LRRC49: variants seen among roughly 807,000 people sequenced by gnomAD.
The protein encoded by LRRC49 is leucine rich repeat containing 49.
In LRRC49, 50 loss-of-function variants were observed where a neutral mutation model predicts 83.3. That is an observed-to-expected ratio of 0.60 (90% CI 0.48 to 0.76). The LOEUF (loss-of-function observed/expected upper bound fraction) is 0.76, where lower values mean the gene tolerates loss of function less well. Among genes scored for constraint, LRRC49 ranks in the 30% least tolerant of loss-of-function variants. The pLI is 0.00. For synonymous variants in LRRC49, 286 were observed against 283.3 expected, an observed-to-expected ratio of 1.01 and a Z score of -0.10; for missense variants, 704 against 809.1, an observed-to-expected ratio of 0.87 and a Z score of 1.58.
At chr15:70,889,977 C>G (rs980463766), upstream of LRRC49, among the ~76,000 whole-genome samples, 3 of 152,152 alleles carry the variant, frequency 2.0e-5, no homozygotes, top group Non-Finnish European at 2.9e-5. Flanking sequence ...TATTTTAGAA[C>G]TCACAGTTTT....
At chr15:70,899,674 T>A (rs940143979) in intron 3 of LRRC49, among the ~76,000 whole-genome samples, 1 of 152,172 alleles carries the variant, frequency 6.6e-6, no homozygotes, top group South Asian at 2.1e-4. Context: ...TGCCATTGCC[T>A]TATAGCTTTT....
intron 2 of LRRC49, among the ~76,000 whole-genome samples, chr15:70,883,525 TA>T (rs1353567360): frequency 1.3e-4 from 20 of 152,192 alleles, no homozygotes. Flanking sequence ...ACTTATTTGA[TA>T]TCTTAGCAGT....
chr15:71,049,183 A>G (rs1050216835), intron 15 of LRRC49, among the ~76,000 whole-genome samples: 9 of 152,134 alleles, frequency 5.9e-5, no homozygotes, highest in Non-Finnish European at 1.3e-4. Flanking sequence ...GAGCTGTCCA[A>G]CAGAGGTAGG....
chr15:70,931,092 C>T (rs1224736523), intron 7 of LRRC49, among the ~76,000 whole-genome samples: 1 of 152,178 alleles, frequency 6.6e-6, no homozygotes, highest in Admixed American at 6.5e-5. Flanking sequence ...CCTATCTCAG[C>T]TTTCAACATG....
chr15:70,941,740 C>T (rs184420932), intron 8 of LRRC49, among the ~76,000 whole-genome samples: 12 of 152,200 alleles, frequency 7.9e-5, no homozygotes, highest in Non-Finnish European at 1.6e-4. Flanking sequence ...TACAAAAATA[C>T]ATACAGATAC....
chr15:71,004,574 C>T (rs989058031), intron 11 of LRRC49, among the ~76,000 whole-genome samples: 4 of 151,284 alleles, frequency 2.6e-5, no homozygotes, highest in South Asian at 2.1e-4. Context: ...CTCTTGAATC[C>T]GGGAGGCGGA....
At chr15:70,933,911 A>T (rs2035505218) in intron 7 of LRRC49, among the ~76,000 whole-genome samples, 1 of 152,142 alleles carries the variant, frequency 6.6e-6, no homozygotes, top group African/African-American at 2.4e-5. Context: ...GGGCTTGTTT[A>T]ACTATCATTA....
intron 1 of LRRC49, among the ~76,000 whole-genome samples, chr15:70,868,085 G>T (rs2141073969): frequency 6.6e-6 from 1 of 152,284 alleles, no homozygotes; most frequent in East Asian, 1.9e-4. Flanking sequence ...ATGGCTTGGA[G>T]GGTGGCCAGA....
At chr15:70,956,710 A>G (rs2036415066) in intron 8 of LRRC49, among the ~76,000 whole-genome samples, 1 of 152,184 alleles carries the variant, frequency 6.6e-6, no homozygotes, top group Non-Finnish European at 1.5e-5. Flanking sequence ...CTTTAAAATC[A>G]TATGGTCTTT....
intron 8 of LRRC49, among the ~76,000 whole-genome samples, chr15:70,957,994 T>C (rs1306993377): frequency 6.6e-6 from 1 of 152,218 alleles, no homozygotes; most frequent in Non-Finnish European, 1.5e-5. Flanking sequence ...CAATGAATTT[T>C]GACAGAGTAT....
intron 11 of LRRC49, among the ~76,000 whole-genome samples, chr15:71,004,967 C>G (rs369573492): frequency 6.6e-6 from 1 of 152,100 alleles, no homozygotes; most frequent in Admixed American, 6.6e-5. Flanking sequence ...ATGAAGTAAT[C>G]TGTAAAATAA....
At chr15:70,858,952 T>C in intron 1 of LRRC49, 1 of 813,346 alleles carries the variant, frequency 1.2e-6, no homozygotes, top group South Asian at 1.3e-5. Flanking sequence ...AACCTGGAGG[T>C]GGACCCCAAC....
intron 14 of LRRC49, among the ~76,000 whole-genome samples, chr15:71,025,545 C>T (rs200830656): frequency 2.6e-5 from 4 of 152,000 alleles, no homozygotes; most frequent in Non-Finnish European, 5.9e-5. Context: ...CTAAATGCCC[C>T]AATTAAAAGA....
intron 15 of LRRC49, chr15:71,048,785 C>T (rs1233030111): frequency 2.2e-6 from 1 of 455,920 alleles, no homozygotes; most frequent in Non-Finnish European, 4.4e-6. Flanking sequence ...CATTTTCACA[C>T]TGCCAGACCC....
intron 5 of LRRC49, among the ~76,000 whole-genome samples, chr15:70,906,025 G>C (rs1203368706): frequency 2.6e-5 from 4 of 151,754 alleles, no homozygotes; most frequent in Admixed American, 6.6e-5. Context: ...AGGTAGATCA[G>C]AGAATTCTTT....
intron 11 of LRRC49, 56 bp downstream of exon 11, chr15:70,984,313 G>A: frequency 2.8e-6 from 4 of 1,422,968 alleles, no homozygotes; most frequent in Admixed American, 2.3e-5. Flanking sequence ...AATTTGGAGT[G>A]GGAATTAGAA....
intron 8 of LRRC49, among the ~76,000 whole-genome samples, chr15:70,940,833 G>A (rs915125254): frequency 6.6e-6 from 1 of 152,158 alleles, no homozygotes; most frequent in African/African-American, 2.4e-5. Flanking sequence ...TGAGAAATGA[G>A]TACATGCTTG....
At chr15:71,031,629 G>A (rs2039355004) in intron 14 of LRRC49, among the ~76,000 whole-genome samples, 1 of 152,178 alleles carries the variant, frequency 6.6e-6, no homozygotes, top group South Asian at 2.1e-4. Flanking sequence ...CCTTCCCCAG[G>A]TGCTCTGTCC....
chr15:71,032,632 AT>A (rs1321125602), intron 14 of LRRC49, among the ~76,000 whole-genome samples: 1 of 152,160 alleles, frequency 6.6e-6, no homozygotes, highest in African/African-American at 2.4e-5. Context: ...GGCAAACCAA[AT>A]CAAGCATCAC....
Sources: allele counts gnomAD v4.1 joint callset (sites outside exome capture counted in the v4.1 genomes callset), GRCh38; gene constraint gnomAD v4.1.1; transcripts MANE v1.5; gene names NCBI Gene and HGNC (gene_info 2026-07-23, HGNC 2026-07-21).